Variants in LHFPL6 observed in about 807,000 individuals in gnomAD.
LHFPL6 encodes LHFPL tetraspan subfamily member 6.
LHFPL6 carries 9 observed loss-of-function variants against 20.6 expected under a neutral mutation model. That is an observed-to-expected ratio of 0.44 (90% CI 0.26 to 0.76). The LOEUF (loss-of-function observed/expected upper bound fraction) is 0.76. Ranked by LOEUF, LHFPL6 falls within the 30% of genes least tolerant of loss-of-function variation. The pLI, the probability that LHFPL6 is intolerant of heterozygous loss-of-function variation, is 0.20. For synonymous variants in LHFPL6, 105 were observed against 98.7 expected, an observed-to-expected ratio of 1.06 and a Z score of -0.38; for missense variants, 218 against 253.5, an observed-to-expected ratio of 0.86 and a Z score of 0.95.
chr13:39,555,999 T>G (rs567269668), intron 2 of LHFPL6, among the ~76,000 whole-genome samples: 1 of 152,242 alleles, frequency 6.6e-6, no homozygotes, highest in African/African-American at 2.4e-5. Context: ...GACCTCCCCC[T>G]TCACTCTCTC....
At chr13:39,425,785 A>C (rs1295153409) in intron 2 of LHFPL6, among the ~76,000 whole-genome samples, 1 of 152,204 alleles carries the variant, frequency 6.6e-6, no homozygotes, top group African/African-American at 2.4e-5. Context: ...AACATACAAT[A>C]TGCTAATATT....
At chr13:39,472,058 T>A (rs1352034036) in intron 2 of LHFPL6, among the ~76,000 whole-genome samples, 1 of 152,216 alleles carries the variant, frequency 6.6e-6, no homozygotes, top group African/African-American at 2.4e-5. Flanking sequence ...CAGGAAACTG[T>A]GACAGAGCAG....
At chr13:39,507,511 T>A (rs994629800) in intron 2 of LHFPL6, among the ~76,000 whole-genome samples, 5 of 152,240 alleles carry the variant, frequency 3.3e-5, no homozygotes, top group African/African-American at 1.2e-4. Flanking sequence ...AGTTTGTATC[T>A]GCTTGTCAAA....
intron 2 of LHFPL6, among the ~76,000 whole-genome samples, chr13:39,577,911 G>C (rs1399300965): frequency 6.6e-6 from 1 of 151,820 alleles, no homozygotes; most frequent in Non-Finnish European, 1.5e-5. Flanking sequence ...AAAGTGCTGG[G>C]ATTACAAGCA....
At chr13:39,344,616 G>C (rs1169876367) in intron 3 of LHFPL6, among the ~76,000 whole-genome samples, 1 of 152,114 alleles carries the variant, frequency 6.6e-6, no homozygotes, top group East Asian at 1.9e-4. Context: ...TGAAGATAAA[G>C]TGTCATTTAA....
In LHFPL6 at chr13:39,498,023, C is replaced by G. The variant is rs1408384588; in HGVS notation, c.385+102809G>C. 5.3e-5 allele frequency among the ~76,000 whole-genome samples: 8 copies of G among 152,216 alleles called. No homozygotes were observed. The East Asian group carries it at 1.5e-3, about 29-fold the overall frequency. On this transcript the variant is annotated intron_variant, in intron 2 of 3. Coordinates refer to ENST00000379589, the MANE Select transcript of LHFPL6 (RefSeq NM_005780.3). ...TCTGCAGCGAACTATGATAAATTAA[C>G]CCCACCTAGAGTCCCTATCAGTCAC... is the stretch of plus-strand genomic sequence containing the variant.
At chr13:39,508,561 T>G in intron 2 of LHFPL6, among the ~76,000 whole-genome samples, 1 of 152,224 alleles carries the variant, frequency 6.6e-6, no homozygotes, top group Admixed American at 6.5e-5. Context: ...TTCAAGAATT[T>G]TATATTAATG....
chr13:39,484,514 A>G (rs2138448043), intron 2 of LHFPL6, among the ~76,000 whole-genome samples: 1 of 152,298 alleles, frequency 6.6e-6, no homozygotes, highest in South Asian at 2.1e-4. Context: ...TGGAAAATTG[A>G]CAGCCCTTCC....
chr13:39,429,354 T>C lies in LHFPL6; in HGVS notation c.386-50828A>G, dbSNP rs867659842. On this transcript the variant is annotated intron_variant, in intron 2 of 3. Transcript: ENST00000379589. ...CAGGATTATAAGGTATCCTGATGAA[T>C]TGACCCATCTATCTTTACAAAATCT... Among the ~76,000 whole-genome samples the C allele has an allele frequency of 1.1e-4, 17 of 152,320 alleles. No homozygotes were observed. The South Asian group carries it at 2.7e-3, about 24-fold the overall frequency.
intron 2 of LHFPL6, among the ~76,000 whole-genome samples, chr13:39,402,918 T>C (rs1426766659): frequency 6.6e-6 from 1 of 152,208 alleles, no homozygotes; most frequent in East Asian, 1.9e-4. Flanking sequence ...GCTCTCACAG[T>C]CTGCTAGAGG....
chr13:39,417,364 G>A (rs539732894), intron 2 of LHFPL6, among the ~76,000 whole-genome samples: 1 of 152,204 alleles, frequency 6.6e-6, no homozygotes, highest in Non-Finnish European at 1.5e-5. Flanking sequence ...TGGGGCAGGG[G>A]CGGCCGGAGC....
chr13:39,487,746 C>G (rs558045994), intron 2 of LHFPL6, among the ~76,000 whole-genome samples: 2 of 152,152 alleles, frequency 1.3e-5, no homozygotes, highest in Non-Finnish European at 2.9e-5. Flanking sequence ...CGGTGGCTCA[C>G]GCCTGTAATC....
chr13:39,557,751 A>G (rs1015942285), intron 2 of LHFPL6, among the ~76,000 whole-genome samples: 4 of 152,218 alleles, frequency 2.6e-5, no homozygotes, highest in African/African-American at 9.6e-5. Flanking sequence ...GGATAGTAAC[A>G]CTTGATACCC....
chr13:39,364,969 G>A (rs541878976), intron 3 of LHFPL6, among the ~76,000 whole-genome samples: 1 of 152,308 alleles, frequency 6.6e-6, no homozygotes, highest in African/African-American at 2.4e-5. Context: ...ATGTATAGTG[G>A]TGGCCTTTGT....
intron 2 of LHFPL6, among the ~76,000 whole-genome samples, chr13:39,527,192 A>T (rs1885763): frequency 0.79 from 119,848 of 152,104 alleles, 47,322 homozygotes; most frequent in Middle Eastern, 0.84. Flanking sequence ...AGTCATAAAG[A>T]TTTCTTACTG....
intron 2 of LHFPL6, among the ~76,000 whole-genome samples, chr13:39,552,968 G>T (rs1008150488): frequency 1.3e-5 from 2 of 152,058 alleles, no homozygotes; most frequent in African/African-American, 4.8e-5. Context: ...TGCAGGATTT[G>T]TTGTACACTT....
chr13:39,411,865 T>G (rs1441623831), intron 2 of LHFPL6, among the ~76,000 whole-genome samples: 1 of 152,238 alleles, frequency 6.6e-6, no homozygotes, highest in Non-Finnish European at 1.5e-5. Context: ...TTCAGTGGGA[T>G]GTGGCCATTA....
At chr13:39,400,529 A>C (rs1321261784) in intron 2 of LHFPL6, among the ~76,000 whole-genome samples, 3 of 152,134 alleles carry the variant, frequency 2.0e-5, no homozygotes, top group Non-Finnish European at 4.4e-5. Context: ...CACGCCTGTA[A>C]TCCCAGCACT....
chr13:39,477,025 G>C (rs1361919873), intron 2 of LHFPL6, among the ~76,000 whole-genome samples: 2 of 152,170 alleles, frequency 1.3e-5, no homozygotes, highest in African/African-American at 4.8e-5. Context: ...CAGAGGTTTT[G>C]ACATTTTATA....
Sources: gnomAD v4.1 joint callset for allele counts (sites outside exome capture counted in the v4.1 genomes callset) on GRCh38, gnomAD v4.1.1 for gene constraint, MANE v1.5 for transcripts, NCBI Gene and HGNC (gene_info 2026-07-23, HGNC 2026-07-21) for gene names.